ZSCAN5A: variants seen among roughly 807,000 people sequenced by gnomAD.
The protein encoded by ZSCAN5A is zinc finger and SCAN domain containing 5A, also known as zinc finger and SCAN domain-containing protein 5A.
In ZSCAN5A, 12 loss-of-function variants were observed where a neutral mutation model predicts 23.7. The ratio of observed to expected loss-of-function variants is 0.51; its 90% CI spans 0.32 to 0.82. The LOEUF is 0.82. Among genes scored for constraint, ZSCAN5A ranks in the 40% least tolerant of loss-of-function variants. The pLI, the probability that ZSCAN5A is intolerant of heterozygous loss-of-function variation, is 0.03. For synonymous variants in ZSCAN5A, 257 were observed against 239.9 expected (o/e 1.07, Z -0.66); for missense variants, 597 against 617.9 (o/e 0.97, Z 0.36).
intron 2 of ZSCAN5A, among the ~76,000 whole-genome samples, chr19:56,312,867 T>A (rs556042793): frequency 6.6e-6 from 1 of 152,372 alleles, no homozygotes; most frequent in African/African-American, 2.4e-5. Flanking sequence ...ACCTATTTCA[T>A]ACAGTCATCG....
rs573015156 is a variant in ZSCAN5A, at chr19:56,302,717, T to C, written c.-128+10566A>G. 23 of 197,994 alleles carry C rather than the reference T, an allele frequency of 1.2e-4. No individual in the cohort carries two copies. In the South Asian group the frequency reaches 4.6e-3, roughly 40 times the overall value. The allele number at this position is 197,994 out of a possible 1,614,324, so 12.3% of individuals were successfully genotyped here. A position where few individuals can be genotyped will look rare whatever the true frequency, so the allele number is the denominator to read the frequency against. ...TCCTTCCTTCTCTTTCCTTCTTCCC[T>C]CCCTCCCACCTCTAGACTGGGATAA... On this transcript the variant is annotated intron_variant, in intron 2 of 5. Coordinates refer to ENST00000683990, the MANE Select transcript of ZSCAN5A (RefSeq NM_001322064.3).
At chr19:56,326,159 G>A (rs1000997412) in intron 2 of ZSCAN5A, among the ~76,000 whole-genome samples, 5 of 151,816 alleles carry the variant, frequency 3.3e-5, no homozygotes, top group African/African-American at 7.3e-5. Context: ...GGATGGTCTC[G>A]ATCTCCTGAC....
rs534372841 is a variant in ZSCAN5A at position 56,313,677 on chromosome 19, A to G, written c.-229-293T>C. Among the ~76,000 whole-genome samples, 45 of 152,380 alleles carry G rather than the reference A, an allele frequency of 3.0e-4. 1 individual carries two copies. Among genetic ancestry groups the G allele is most frequent in the Middle Eastern group, 3.4e-3 (1 of 294 alleles). ...CATTAGGAGGTTTCATACGCTAACCAGATGATTATATGTCCAGGTGCTTGA... is the reference window on the plus strand; with the variant it reads ...CATTAGGAGGTTTCATACGCTAACCGGATGATTATATGTCCAGGTGCTTGA... On this transcript the variant is annotated intron_variant, in intron 1 of 5. Transcript: ENST00000683990.
At chr19:56,330,880 A>G (rs1435460349) in intron 2 of ZSCAN5A, among the ~76,000 whole-genome samples, 2 of 152,048 alleles carry the variant, frequency 1.3e-5, no homozygotes, top group Non-Finnish European at 1.5e-5. Context: ...ATTTTTTTCC[A>G]AAGCCAATCT....
At chr19:56,257,460 C>A (rs1334231611) in intron 2 of ZSCAN5A, among the ~76,000 whole-genome samples, 1 of 152,146 alleles carries the variant, frequency 6.6e-6, no homozygotes, top group African/African-American at 2.4e-5. Flanking sequence ...TATGTGGGAG[C>A]GAGATGCCCA....
At chr19:56,347,196 G>A (rs534497278) in intron 2 of ZSCAN5A, 1 of 152,170 alleles carries the variant, frequency 6.6e-6, no homozygotes, top group Admixed American at 6.6e-5. Context: ...AAAGGGGAGT[G>A]GGGGGAGTCT....
intron 2 of ZSCAN5A, chr19:56,281,795 C>T (rs990013783): frequency 1.2e-5 from 8 of 658,018 alleles, no homozygotes; most frequent in Middle Eastern, 7.4e-4. Context: ...TGCTGACGAT[C>T]ACATTCAACC....
Position 56,308,851 on chromosome 19 carries a change from C to T in ZSCAN5A, c.-128+4432G>A, listed in dbSNP as rs571945344. On this transcript the variant is annotated intron_variant, in intron 2 of 5. Coordinates refer to ENST00000683990, the MANE Select transcript of ZSCAN5A (RefSeq NM_001322064.3). Reference sequence around the variant, plus strand: ...GGTGTTGAACGGTTTCTCAGGCTCTCTTCAACCATACATTAAAGCACCGGT... The same window carrying T: ...GGTGTTGAACGGTTTCTCAGGCTCTTTTCAACCATACATTAAAGCACCGGT... 4.4e-3 allele frequency among the ~76,000 whole-genome samples: 673 copies of T among 152,284 alleles called. 3 individuals are homozygous for T. Among genetic ancestry groups the T allele is most frequent in the Non-Finnish European group, 7.4e-3 (502 of 68,026 alleles).
At chr19:56,289,089 C>G (rs373725192) in intron 2 of ZSCAN5A, among the ~76,000 whole-genome samples, 2 of 152,152 alleles carry the variant, frequency 1.3e-5, no homozygotes, top group East Asian at 3.9e-4. Flanking sequence ...TGTCTAACAA[C>G]CACCTCTGCA....
chr19:56,355,559 TAAC>T lies in ZSCAN5A; in HGVS notation c.-358+7673_-358+7675del, dbSNP rs1166010584. 2.0e-5 allele frequency among the ~76,000 whole-genome samples: 3 copies of T among 149,068 alleles called. 1 individual carries two copies. Among genetic ancestry groups the T allele is most frequent in the East Asian group, 1.9e-4 (1 of 5,180 alleles). On this transcript the variant is annotated intron_variant, in intron 2 of 6. Coordinates refer to the ZSCAN5A transcript ENST00000587340. The stretch of plus-strand genomic sequence containing the variant: ...GGAAAAACTAAATTAAAAAATAAAG[TAAC>T]AACAATAGCCCAAGACCAAGCTCTG...
intron 2 of ZSCAN5A, among the ~76,000 whole-genome samples, chr19:56,362,552 A>C (rs1452549412): frequency 1.3e-5 from 2 of 151,914 alleles, no homozygotes; most frequent in East Asian, 3.9e-4. Context: ...GTGAGGCTCC[A>C]TCTCAATAAA....
At chr19:56,325,620 C>T (rs1296031610) in intron 2 of ZSCAN5A, among the ~76,000 whole-genome samples, 1 of 151,906 alleles carries the variant, frequency 6.6e-6, no homozygotes, top group African/African-American at 2.4e-5. Flanking sequence ...TCCAGTCTAG[C>T]ACCAGTCACT....
At chr19:56,279,852 TTA>T (rs1600168054) in intron 2 of ZSCAN5A, among the ~76,000 whole-genome samples, 5 of 152,302 alleles carry the variant, frequency 3.3e-5, no homozygotes, top group East Asian at 1.9e-4. Context: ...TTAAAATGTT[TTA>T]TGTTAAATTA....
intron 2 of ZSCAN5A, among the ~76,000 whole-genome samples, chr19:56,324,494 G>T (rs939782480): frequency 6.6e-6 from 1 of 152,102 alleles, no homozygotes; most frequent in Non-Finnish European, 1.5e-5. Context: ...AATGGATGCT[G>T]GTGAGGATGC....
At chr19:56,299,564 T>C (rs1413151876) in intron 2 of ZSCAN5A, among the ~76,000 whole-genome samples, 2 of 152,194 alleles carry the variant, frequency 1.3e-5, no homozygotes, top group African/African-American at 2.4e-5. Flanking sequence ...TGTCCCTCAG[T>C]ATCCTCAGGG....
At chr19:56,303,112 G>A in intron 2 of ZSCAN5A, 1 of 378,222 alleles carries the variant, frequency 2.6e-6, no homozygotes, top group Non-Finnish European at 4.7e-6. Context: ...ATTGAGGAGG[G>A]GAAGCAGGGG....
Position 56,221,402 on chromosome 19 carries a change from A to T in ZSCAN5A, c.*173T>A. The T allele has an allele frequency of 1.5e-6, 1 of 683,572 alleles. No homozygotes were observed. The highest frequency in any genetic ancestry group is 2.8e-5 in the East Asian group (1 of 35,976). 42.3% of individuals were successfully genotyped at this position (683,572 alleles called of 1,614,324 possible). Reference sequence around the variant, plus strand: ...AACAATGGACATAATGAAACAGAAAACAAAGCTCAGTGGGGAGGACACATA... The same window carrying T: ...AACAATGGACATAATGAAACAGAAATCAAAGCTCAGTGGGGAGGACACATA... On this transcript the variant is annotated 3_prime_UTR_variant, in exon 6 of 6. Transcript: ENST00000683990.
chr19:56,265,089 T>TCCAG (rs2037380131), intron 2 of ZSCAN5A, among the ~76,000 whole-genome samples: 1 of 151,954 alleles, frequency 6.6e-6, no homozygotes, highest in South Asian at 2.1e-4. Context: ...ACCACTGCAC[T>TCCAG]CCAGCCCGGG....
chr19:56,235,085 A>AGCCTCTG (rs1210257870), intron 2 of ZSCAN5A, among the ~76,000 whole-genome samples: 2 of 132,554 alleles, frequency 1.5e-5, no homozygotes, highest in East Asian at 2.2e-4. Context: ...CCTCCACTCC[A>AGCCTCTG]ACCTCTGATG....
Sources: gnomAD v4.1 joint callset for allele counts (sites outside exome capture counted in the v4.1 genomes callset) on GRCh38, gnomAD v4.1.1 for gene constraint, MANE v1.5 for transcripts, NCBI Gene and HGNC (gene_info 2026-07-23, HGNC 2026-07-21) for gene names.